CSMD2: variants seen among roughly 807,000 people sequenced by gnomAD.
CSMD2 encodes CUB and sushi domain-containing protein 2.
Under a neutral mutation model 398.5 loss-of-function variants are expected in CSMD2, and 130 were observed. That is an observed-to-expected ratio of 0.33 (90% confidence interval 0.28 to 0.38). The LOEUF (loss-of-function observed/expected upper bound fraction) is 0.38, where lower values mean the gene tolerates loss of function less well. Among genes scored for constraint, CSMD2 ranks in the 10% least tolerant of loss-of-function variants. The pLI, the probability that CSMD2 is intolerant of heterozygous loss-of-function variation, is 1.00. For missense variants in CSMD2, 3,829 were observed against 4,764.9 expected (o/e 0.80, Z 5.78); for synonymous variants, 1,828 against 1,908.5 (o/e 0.96, Z 1.10).
At position 33,541,165 on chromosome 1, in the gene CSMD2, T is replaced by C; in HGVS notation, c.9422A>G (p.Asp3141Gly). 2 of 1,614,092 alleles carry C rather than the reference T, an allele frequency of 1.2e-6. No homozygotes were observed. Among genetic ancestry groups the C allele is most frequent in the Non-Finnish European group, 8.5e-7 (1 of 1,180,006 alleles). Reference protein sequence around the residue: ...HRVSVLSCTKDRTWNGTKPVC... With the variant: ...HRVSVLSCTKGRTWNGTKPVC... ...GGGCTTGGTTCCATTCCATGTCCGGTCCTTGGTGCAGCTCAGCACAGATAC... is the reference window on the plus strand; with the variant it reads ...GGGCTTGGTTCCATTCCATGTCCGGCCCTTGGTGCAGCTCAGCACAGATAC... Residue 3141 changes from aspartate (D) to glycine (G), a missense_variant, in exon 59 of 71, where the codon GAC becomes GGC. Around this residue, in one of 5 missense-constraint regions of CSMD2, gnomAD observed 917 missense variants for 1,199.5 expected, o/e 0.76. Transcript: ENST00000373381.
chr1:33,816,065 C>A (rs1345917755), intron 9 of CSMD2, among the ~76,000 whole-genome samples: 1 of 152,144 alleles, frequency 6.6e-6, no homozygotes, highest in African/African-American at 2.4e-5. Context: ...TGTTTTACTG[C>A]CCTTTTACAG....
At chr1:33,797,815 C>T (rs1341603513) in intron 10 of CSMD2, among the ~76,000 whole-genome samples, 1 of 152,154 alleles carries the variant, frequency 6.6e-6, no homozygotes, top group Non-Finnish European at 1.5e-5. Flanking sequence ...TTCCAGCCAG[C>T]CCTGGGGCAG....
intron 22 of CSMD2, among the ~76,000 whole-genome samples, chr1:33,702,567 T>C (rs1645645334): frequency 6.6e-6 from 1 of 152,186 alleles, no homozygotes; most frequent in Non-Finnish European, 1.5e-5. Context: ...CTTGCATAAA[T>C]TTATGTTTTT....
intron 3 of CSMD2, among the ~76,000 whole-genome samples, chr1:34,011,578 T>G (rs566384088): frequency 1.1e-3 from 160 of 152,260 alleles, no homozygotes; most frequent in Non-Finnish European, 1.8e-3. Flanking sequence ...GTATTCTTTT[T>G]TTTAATTTTT....
intron 1 of CSMD2, among the ~76,000 whole-genome samples, chr1:34,152,487 A>G (rs1407120042): frequency 6.6e-6 from 1 of 152,092 alleles, no homozygotes; most frequent in Non-Finnish European, 1.5e-5. Context: ...AGCCTCCTCA[A>G]TGCCCTTCTT....
At chr1:33,584,465 C>T (rs1638939465) in intron 46 of CSMD2, among the ~76,000 whole-genome samples, 1 of 152,078 alleles carries the variant, frequency 6.6e-6, no homozygotes, top group Non-Finnish European at 1.5e-5. Flanking sequence ...AGGTCAAGAA[C>T]TCAAGACCAT....
intron 5 of CSMD2, among the ~76,000 whole-genome samples, chr1:33,898,257 T>C (rs1266939944): frequency 1.3e-5 from 2 of 152,056 alleles, no homozygotes; most frequent in Non-Finnish European, 2.9e-5. Context: ...TATCGTGGAG[T>C]CATTGCCAGA....
chr1:34,086,181 A>ATTGG (rs1657865738), intron 2 of CSMD2, among the ~76,000 whole-genome samples: 1 of 152,232 alleles, frequency 6.6e-6, no homozygotes. Context: ...TCAGTGCCCC[A>ATTGG]TTGGTTTGAC....
Position 34,132,773 on chromosome 1 carries a change from A to G in CSMD2, c.187+32138T>C, listed in dbSNP as rs565098593. Among the ~76,000 whole-genome samples, 15 of 152,258 alleles carry G rather than the reference A, an allele frequency of 9.9e-5. No individual in the cohort carries two copies. In the South Asian group the frequency reaches 2.9e-3, roughly 30 times the overall value. On this transcript the variant is annotated intron_variant, in intron 1 of 70. Coordinates refer to ENST00000373381, the MANE Select transcript of CSMD2 (RefSeq NM_001281956.2). ...AATTTTAAGGCTTTCACACTCTGGG[A>G]CTTACACCAGGGTTCACCCCCACTA...
chr1:33,627,176 G>A (rs533435493), intron 32 of CSMD2, among the ~76,000 whole-genome samples: 2 of 152,314 alleles, frequency 1.3e-5, no homozygotes, highest in East Asian at 1.9e-4. Context: ...GTTATGGTGG[G>A]ACTGTCCCAG....
At chr1:33,825,978 C>A (rs1658765550) in intron 6 of CSMD2, among the ~76,000 whole-genome samples, 1 of 152,172 alleles carries the variant, frequency 6.6e-6, no homozygotes. Context: ...CAAGGCTAGC[C>A]CTCTGAGGGA....
intron 10 of CSMD2, among the ~76,000 whole-genome samples, chr1:33,808,291 T>C (rs1656456431): frequency 6.6e-6 from 1 of 151,964 alleles, no homozygotes; most frequent in Non-Finnish European, 1.5e-5. Context: ...ATGGACATAT[T>C]AGAAAACAAA....
intron 21 of CSMD2, among the ~76,000 whole-genome samples, chr1:33,710,458 G>A (rs1557769454): frequency 6.6e-6 from 1 of 152,202 alleles, no homozygotes; most frequent in African/African-American, 2.4e-5. Context: ...CTCAGAAGAT[G>A]TACAGTCCTA....
intron 3 of CSMD2, among the ~76,000 whole-genome samples, chr1:33,953,114 T>C (rs900324143): frequency 6.6e-6 from 1 of 152,176 alleles, no homozygotes; most frequent in African/African-American, 2.4e-5. Context: ...TGGGCAAAAG[T>C]GATACAGGCC....
At chr1:34,089,279 C>A (rs1345281378) in intron 1 of CSMD2, 86 bp from the exon 2 acceptor site, 10 of 1,291,230 alleles carry the variant, frequency 7.7e-6, no homozygotes, top group Admixed American at 4.0e-5. Flanking sequence ...GTTAGCAAAT[C>A]ATGAACCCAC....
At chr1:33,695,062 A>T (rs1455651996) in intron 24 of CSMD2, among the ~76,000 whole-genome samples, 1 of 152,186 alleles carries the variant, frequency 6.6e-6, no homozygotes, top group Non-Finnish European at 1.5e-5. Context: ...GCTGGTCTTA[A>T]ATGAACCTTG....
intron 3 of CSMD2, among the ~76,000 whole-genome samples, chr1:33,939,140 T>C (rs1644583358): frequency 6.6e-6 from 1 of 152,122 alleles, no homozygotes; most frequent in South Asian, 2.1e-4. Context: ...CTGGCTTACT[T>C]AACATTTCCC....
intron 25 of CSMD2, among the ~76,000 whole-genome samples, chr1:33,672,357 G>A (rs894338292): frequency 3.9e-5 from 6 of 152,330 alleles, no homozygotes; most frequent in African/African-American, 1.2e-4. Flanking sequence ...TACGCCCACG[G>A]AGCCTTGCTA....
At chr1:33,874,188 C>T (rs1467888892) in intron 5 of CSMD2, among the ~76,000 whole-genome samples, 1 of 152,250 alleles carries the variant, frequency 6.6e-6, no homozygotes, top group East Asian at 1.9e-4. Flanking sequence ...CAATGCGTCA[C>T]ATGGAGTAGA....
Sources: allele counts gnomAD v4.1 joint callset (sites outside exome capture counted in the v4.1 genomes callset), GRCh38; gene constraint gnomAD v4.1.1; regional missense constraint gnomAD v4.1.1; transcripts MANE v1.5; gene names NCBI Gene and HGNC (gene_info 2026-07-23, HGNC 2026-07-21).